The following CELSR3 variants were observed in gnomAD, a reference collection of about 807,000 sequenced individuals.
CELSR3 encodes cadherin EGF LAG seven-pass G-type receptor 3.
A neutral mutation model predicts 270.0 loss-of-function variants in CELSR3; 73 were observed. That is an observed-to-expected ratio of 0.27 (90% confidence interval 0.22 to 0.33). CELSR3 has a LOEUF of 0.33. Ranked by LOEUF, CELSR3 falls within the 10% of genes least tolerant of loss-of-function variation. CELSR3 has a pLI of 1.00. For synonymous variants in CELSR3, 1,780 were observed against 1,905.4 expected, an observed-to-expected ratio of 0.93 and a Z score of 1.71; for missense variants, 3,614 against 4,533.8, an observed-to-expected ratio of 0.80 and a Z score of 5.83.
Position 48,654,617 on chromosome 3 carries a change from C to CAAAGGGGCACCCGTG in CELSR3, c.4989-180_4989-166dup, listed in dbSNP as rs368531771. 6.2e-3 allele frequency among the ~76,000 whole-genome samples: 950 copies of CAAAGGGGCACCCGTG among 152,086 alleles called. 15 individuals are homozygous for CAAAGGGGCACCCGTG. Among genetic ancestry groups the CAAAGGGGCACCCGTG allele is most frequent in the African/African-American group, 0.022 (907 of 41,462 alleles). On this transcript the variant is annotated intron_variant, in intron 6 of 34. Coordinates refer to ENST00000164024, the MANE Select transcript of CELSR3 (RefSeq NM_001407.3). This position sits in a 1 kb window ranked among gnomAD's most constrained non-coding sequence, Gnocchi z 5.4. Reference sequence around the variant, plus strand: ...TTAGGATCTTACTTCAGTTGGGGTGCAAAGGGGCACCCGTGATGGGCCGAT... The same window carrying CAAAGGGGCACCCGTG: ...TTAGGATCTTACTTCAGTTGGGGTGCAAAGGGGCACCCGTGAAAGGGGCACCCGTGATGGGCCGAT...
chr3:48,654,219 G>A lies in CELSR3; in HGVS notation c.5152+70C>T. 1 of 1,593,508 alleles carries A rather than the reference G, an allele frequency of 6.3e-7. No individual in the cohort carries two copies. Among genetic ancestry groups the A allele is most frequent in the Non-Finnish European group, 8.6e-7 (1 of 1,166,554 alleles). Reference sequence around the variant, plus strand: ...AGGAGACTGGCTTGAAGTCAGGTATGGAGTCCTCCACTTCCTCCCTATGAT... The same window carrying A: ...AGGAGACTGGCTTGAAGTCAGGTATAGAGTCCTCCACTTCCTCCCTATGAT... On this transcript the variant is annotated intron_variant, in intron 7 of 34. Coordinates refer to ENST00000164024, the MANE Select transcript of CELSR3 (RefSeq NM_001407.3). This position sits in a 1 kb window ranked among gnomAD's most constrained non-coding sequence, Gnocchi z 5.4.
rs764548090 is a variant in CELSR3 at position 48,645,372 on chromosome 3, G to A, written c.7797+71C>T. On this transcript the variant is annotated intron_variant, in intron 24 of 34. Coordinates refer to ENST00000164024, the MANE Select transcript of CELSR3 (RefSeq NM_001407.3). This position sits in a 1 kb window ranked among gnomAD's most constrained non-coding sequence, Gnocchi z 5.4. The stretch of plus-strand genomic sequence containing the variant: ...CTGAGCATCCCTGACCTCTGACCCT[G>A]AGTTTTGGCCCCAGGCCTCCTGGGC... 12 of 1,593,576 alleles carry A rather than the reference G, an allele frequency of 7.5e-6. No individual in the cohort carries two copies. The highest frequency in any genetic ancestry group is 1.7e-4 in the Middle Eastern group (1 of 6,058).
rs1342584806 is a variant in CELSR3 at position 48,646,753 on chromosome 3, G to A, written c.7295+10C>T. ...TTCGTAGGAAGCTCAGGGGTGAGGGGCCTGAGTACCTGGCACCTCGGCGTT... is the reference window on the plus strand; with the variant it reads ...TTCGTAGGAAGCTCAGGGGTGAGGGACCTGAGTACCTGGCACCTCGGCGTT... On this transcript the variant is annotated intron_variant, in intron 21 of 34. Coordinates refer to ENST00000164024, the MANE Select transcript of CELSR3 (RefSeq NM_001407.3). This position sits in a 1 kb window ranked among gnomAD's most constrained non-coding sequence, Gnocchi z 4.8. 1.2e-6 allele frequency: 2 copies of A among 1,607,244 alleles called. No homozygotes were observed. Among genetic ancestry groups the A allele is most frequent in the African/African-American group, 1.3e-5 (1 of 74,564 alleles).
Position 48,659,764 on chromosome 3 carries a change from A to G in CELSR3, c.2871T>C (p.Asn957=). 1 of 1,614,196 alleles carries G rather than the reference A, an allele frequency of 6.2e-7. No individual in the cohort carries two copies. The highest frequency in any genetic ancestry group is 1.1e-5 in the South Asian group (1 of 91,082). ...AGTGGGAGGCCACAAATTGTGGAGC[A>G]TTGTCATTCACGTCATTGACCATCA... The part of the protein sequence containing the change: ...VEVMVNDVND[N]APQFVASHYT... Residue 957 remains asparagine, a synonymous_variant, in exon 1 of 35, where the codon AAT becomes AAC. Transcript: ENST00000164024. This position sits in a 1 kb window ranked among gnomAD's most constrained non-coding sequence, Gnocchi z 8.1.
chr3:48,658,737 T>C lies in CELSR3; in HGVS notation c.3748+150A>G, dbSNP rs1200378535. On this transcript the variant is annotated intron_variant, in intron 1 of 34. Coordinates refer to ENST00000164024, the MANE Select transcript of CELSR3 (RefSeq NM_001407.3). This position sits in a 1 kb window ranked among gnomAD's most constrained non-coding sequence, Gnocchi z 4.7. ...ACCTAAGCAGAGTCCTTGTGAGGTC[T>C]GTGGCAGATCTTGTAGGGTGCAGGA... 9.2e-6 allele frequency: 8 copies of C among 870,932 alleles called. No individual in the cohort carries two copies. The East Asian group carries it at 2.1e-4, about 23-fold the overall frequency. 54.0% of individuals were successfully genotyped at this position (870,932 alleles called of 1,614,324 possible). A position where few individuals can be genotyped will look rare whatever the true frequency, so the allele number is the denominator to read the frequency against.
chr3:48,644,732 A>G lies in CELSR3; in HGVS notation c.8069T>C (p.Val2690Ala). ...EPLIWSFAGP[V>A]VLVIVMNGTM... The stretch of plus-strand genomic sequence containing the variant: ...GGCACTCACCACTATGACCAGGACA[A>G]CAGGGCCAGCAAAGCTCCAGATGAG... Residue 2690 changes from valine to alanine, a missense_variant, in exon 26 of 35, where the codon GTT becomes GCT. This residue lies in a region of CELSR3 where 1,240 missense variants were observed against 1,351.7 expected (regional missense o/e 0.92). Transcript: ENST00000164024. The surrounding 1 kb of genome is among the most constrained non-coding windows in gnomAD (Gnocchi z 4.8). The G allele has an allele frequency of 6.2e-7, 1 of 1,613,426 alleles. No individual in the cohort carries two copies. Among genetic ancestry groups the G allele is most frequent in the Non-Finnish European group, 8.5e-7 (1 of 1,179,858 alleles).
chr3:48,649,675 A>G (rs1440770389), intron 16 of CELSR3, among the ~76,000 whole-genome samples: 1 of 152,062 alleles, frequency 6.6e-6, no homozygotes, highest in Non-Finnish European at 1.5e-5. Flanking sequence ...ACAAGTTTTA[A>G]CTGCCCCAGT....
At position 48,648,318 on chromosome 3, in the gene CELSR3, C is replaced by G. The variant is rs771822537; in HGVS notation, c.6921G>C (p.Arg2307Ser). 13 of 1,466,630 alleles carry G rather than the reference C, an allele frequency of 8.9e-6. No homozygotes were observed. The highest frequency in any genetic ancestry group is 1.9e-4 in the Middle Eastern group (1 of 5,282). The allele number at this position is 1,466,630 out of a possible 1,614,324, so 90.9% of individuals were successfully genotyped here. Residue 2307 changes from arginine (R) to serine (S), a missense_variant, in exon 19 of 35, where the codon AGG becomes AGC. By Grantham distance (110) the Arg-to-Ser change is moderately radical. Around this residue, in one of 7 missense-constraint regions of CELSR3, gnomAD observed 1,331 missense variants for 1,933.7 expected, o/e 0.69. Transcript: ENST00000164024. ...HLEEYAATLA[R>S]NMELTYLNPM... ...GATTCAGGTATGTGAGTTCCATATT[C>G]CTTGCGAGTGTGGCTGCATACTCCT...
rs918702367 is a variant in CELSR3 at position 48,652,053 on chromosome 3, G to A, written c.5752-5C>T. 8 of 1,532,076 alleles carry A rather than the reference G, an allele frequency of 5.2e-6. No homozygotes were observed. The highest frequency in any genetic ancestry group is 7.0e-6 in the Non-Finnish European group (8 of 1,144,626). 94.9% of individuals were successfully genotyped at this position (1,532,076 alleles called of 1,614,324 possible). On this transcript the variant is annotated splice_polypyrimidine_tract_variant and splice_region_variant and intron_variant, in intron 11 of 34. Coordinates refer to ENST00000164024, the MANE Select transcript of CELSR3 (RefSeq NM_001407.3). This position sits in a 1 kb window ranked among gnomAD's most constrained non-coding sequence, Gnocchi z 4.3. ...TGTGGAGCCGAGCCACACCCCCTGT[G>A]GACACACAGCCAGCAAGGGGTGAGA...
At position 48,655,640 on chromosome 3, in the gene CELSR3, G is replaced by T; in HGVS notation, c.4741+96C>A. 9.2e-7 allele frequency: 1 copy of T among 1,089,444 alleles called. No homozygotes were observed. Among genetic ancestry groups the T allele is most frequent in the Non-Finnish European group, 1.4e-6 (1 of 708,578 alleles). 67.5% of individuals were successfully genotyped at this position (1,089,444 alleles called of 1,614,324 possible). ...TCAGGGCTTGCATGGCGTGGAGTGT[G>T]TGCTCAGGTGCACAGTGAAGCAAAC... On this transcript the variant is annotated intron_variant, in intron 4 of 34. Coordinates refer to ENST00000164024, the MANE Select transcript of CELSR3 (RefSeq NM_001407.3). The surrounding 1 kb of genome is among the most constrained non-coding windows in gnomAD (Gnocchi z 5.8).
Position 48,651,640 on chromosome 3 carries a change from C to T in CELSR3, c.6002G>A (p.Gly2001Glu). The change falls in exon 13 of 35, where the codon GGA (glycine) becomes GAA (glutamate). Residue 2001 changes from glycine (G) to glutamate (E), a missense_variant. Around this residue, in one of 7 missense-constraint regions of CELSR3, gnomAD observed 1,331 missense variants for 1,933.7 expected, o/e 0.69. Transcript: ENST00000164024. The surrounding 1 kb of genome is among the most constrained non-coding windows in gnomAD (Gnocchi z 7.4). Reference protein sequence around the residue: ...QNQGSCRHLPGAPHGYTCDCV... With the variant: ...QNQGSCRHLPEAPHGYTCDCV... The stretch of plus-strand genomic sequence containing the variant: ...GTCACAGGTATAGCCATGGGGGGCT[C>T]CTGGCAGGTGCCGGCATGATCCCTG... 6.3e-7 allele frequency: 1 copy of T among 1,591,864 alleles called. No individual in the cohort carries two copies. Among genetic ancestry groups the T allele is most frequent in the South Asian group, 1.1e-5 (1 of 88,086 alleles).
In CELSR3 at chr3:48,658,960, A is replaced by G. The variant is rs1454144268; in HGVS notation, c.3675T>C (p.Ser1225=). The G allele has an allele frequency of 6.2e-7, 1 of 1,614,058 alleles. No individual in the cohort carries two copies. The highest frequency in any genetic ancestry group is 1.3e-5 in the African/African-American group (1 of 74,974). ...ELQLLVVNQT[S]GELRLSRKLD... ...GCTTTCGGCTGAGTCGCAGCTCCCC[A>G]CTGGTCTGGTTGACTACCAGCAGCT... is the stretch of plus-strand genomic sequence containing the variant. The change falls in exon 1 of 35, where the codon AGT becomes AGC. Residue 1225 remains serine (S), a synonymous_variant. Coordinates refer to ENST00000164024, the MANE Select transcript of CELSR3 (RefSeq NM_001407.3). The surrounding 1 kb of genome is among the most constrained non-coding windows in gnomAD (Gnocchi z 4.7).
chr3:48,640,093 G>A lies in CELSR3; in HGVS notation c.9492C>T (p.Asp3164=), dbSNP rs1440460792. ...STLPPPRRTR[D]LDPQPPPLPL... is the part of the protein sequence containing the mutation. ...GCAGAGGTGGGGGCTGTGGGTCAAG[G>A]TCCCGGGTGCGGCGGGGCGGAGGCA... The change falls in exon 34 of 35, where the codon GAC becomes GAT. Residue 3164 remains aspartate (D), a synonymous_variant. Transcript: ENST00000164024. The surrounding 1 kb of genome is among the most constrained non-coding windows in gnomAD (Gnocchi z 7.5). The A allele has an allele frequency of 2.5e-6, 4 of 1,611,024 alleles. No individual in the cohort carries two copies. Among genetic ancestry groups the A allele is most frequent in the Non-Finnish European group, 3.4e-6 (4 of 1,179,828 alleles).
chr3:48,643,313 T>A (rs2047047228), intron 28 of CELSR3: 1 of 640,936 alleles, frequency 1.6e-6, no homozygotes, highest in Non-Finnish European at 2.7e-6. Flanking sequence ...TCGGGAGCCT[T>A]GGTGTTGGTG....
Position 48,660,840 on chromosome 3 carries a change from T to A in CELSR3, c.1795A>T (p.Thr599Ser). The part of the protein sequence containing the change: ...SRGHFAIDSL[T>S]GEIQVVAPLD... ...GGTGCCACCACCTGGATCTCGCCAGTGAGGCTGTCGATGGCAAAGTGTCCA... is the reference window on the plus strand; with the variant it reads ...GGTGCCACCACCTGGATCTCGCCAGAGAGGCTGTCGATGGCAAAGTGTCCA... The change falls in exon 1 of 35, where the codon ACT becomes TCT. Residue 599 changes from threonine (T) to serine (S), a missense_variant. By Grantham distance (58) the Thr-to-Ser change is moderately conservative. This residue lies in a region of CELSR3 where 354 missense variants were observed against 500.9 expected (regional missense o/e 0.71). Coordinates refer to ENST00000164024, the MANE Select transcript of CELSR3 (RefSeq NM_001407.3). This position sits in a 1 kb window ranked among gnomAD's most constrained non-coding sequence, Gnocchi z 5.5. The A allele has an allele frequency of 6.2e-7, 1 of 1,613,844 alleles. No homozygotes were observed. The highest frequency in any genetic ancestry group is 8.5e-7 in the Non-Finnish European group (1 of 1,179,836).
rs1456027099 is a variant in CELSR3 at position 48,662,735 on chromosome 3, G to T, written c.-101C>A. ...CCTCCCGGGCCCCTGCCGCCGCCCC[G>T]GGCCCCCGCCCCTCCGCCTGTCTCT... On this transcript the variant is annotated 5_prime_UTR_variant, in exon 1 of 35. Transcript: ENST00000164024. The surrounding 1 kb of genome is among the most constrained non-coding windows in gnomAD (Gnocchi z 7.1). 1.4e-5 allele frequency: 4 copies of T among 293,352 alleles called. No individual in the cohort carries two copies. The African/African-American group carries it at 1.6e-4, about 11-fold the overall frequency. 18.2% of individuals were successfully genotyped at this position (293,352 alleles called of 1,614,324 possible).
Position 48,642,576 on chromosome 3 carries a change from G to GGTGTGC in CELSR3, c.8556-110_8556-109insGCACAC. On this transcript the variant is annotated intron_variant, in intron 30 of 34. Transcript: ENST00000164024. This position sits in a 1 kb window ranked among gnomAD's most constrained non-coding sequence, Gnocchi z 6.1. ...AGCTGCGGGTGGAATGGCATCCCTGGGTGTGTGTGGTGGGAAGCATTTAGG... is the reference window on the plus strand; with the variant it reads ...AGCTGCGGGTGGAATGGCATCCCTGGGTGTGCGTGTGTGTGGTGGGAAGCATTTAGG... The GGTGTGC allele has an allele frequency of 2.1e-6, 3 of 1,423,340 alleles. No individual in the cohort carries two copies. The highest frequency in any genetic ancestry group is 2.9e-6 in the Non-Finnish European group (3 of 1,048,920). The allele number at this position is 1,423,340 out of a possible 1,614,324, so 88.2% of individuals were successfully genotyped here. A position where few individuals can be genotyped will look rare whatever the true frequency, so the allele number is the denominator to read the frequency against.
In CELSR3 at chr3:48,662,159, G is replaced by A. The variant is rs763472157; in HGVS notation, c.476C>T (p.Ser159Phe). 1.2e-6 allele frequency: 2 copies of A among 1,612,834 alleles called. No individual in the cohort carries two copies. The highest frequency in any genetic ancestry group is 1.7e-6 in the Non-Finnish European group (2 of 1,179,492). ...GTTCCCCGAGCCCGGGACCCCTGAG[G>A]ACAGAGCCCCTGGTGACAGACTACC... ...QRGSLSPGALSSGVPGSGNSS... is the reference protein window; with the variant it reads ...QRGSLSPGALFSGVPGSGNSS... Residue 159 changes from serine (S) to phenylalanine (F), a missense_variant, in exon 1 of 35, where the codon TCC becomes TTC. Transcript: ENST00000164024. The surrounding 1 kb of genome is among the most constrained non-coding windows in gnomAD (Gnocchi z 7.1).
intron 20 of CELSR3, 73 bp from the exon 21 acceptor site, chr3:48,647,001 C>T (rs1010522260): frequency 5.1e-6 from 7 of 1,385,028 alleles, no homozygotes; most frequent in East Asian, 2.8e-5. Context: ...GCTCTGAACC[C>T]GATCAAGCAT....
Sources: allele counts gnomAD v4.1 joint callset (sites outside exome capture counted in the v4.1 genomes callset), GRCh38; gene constraint gnomAD v4.1.1; regional missense constraint gnomAD v4.1.1; non-coding constraint Gnocchi (gnomAD v3.1); transcripts MANE v1.5; gene names NCBI Gene and HGNC (gene_info 2026-07-23, HGNC 2026-07-21).